Variants in ATP13A5 observed in about 807,000 individuals in gnomAD.
ATP13A5 encodes the protein ATPase 13A5, also known as probable cation-transporting ATPase 13A5.
Under a neutral mutation model 150.2 loss-of-function variants are expected in ATP13A5, and 149 were observed. The observed-to-expected ratio is 0.99, with a 90% CI of 0.87 to 1.14. The LOEUF is 1.14. Ranked by LOEUF, ATP13A5 falls within the 50% of genes most tolerant of loss-of-function variation. The pLI is 0.00. For missense variants in ATP13A5, 1,383 were observed against 1,449.3 expected (o/e 0.95, Z 0.74); for synonymous variants, 497 against 522.2 (o/e 0.95, Z 0.66).
At chr3:193,326,279 C>A (rs1022668148) in intron 13 of ATP13A5, among the ~76,000 whole-genome samples, 2 of 152,092 alleles carry the variant, frequency 1.3e-5, no homozygotes, top group African/African-American at 4.8e-5. Flanking sequence ...CAGGGAGATA[C>A]CATGAGGAGA....
chr3:193,376,166 C>G (rs976891685), intron 1 of ATP13A5, among the ~76,000 whole-genome samples: 1 of 152,200 alleles, frequency 6.6e-6, no homozygotes, highest in African/African-American at 2.4e-5. Context: ...CAGGCTACAT[C>G]ACATAAAAAG....
In ATP13A5 at chr3:193,276,787, A is replaced by G. The variant is rs1022953834; in HGVS notation, c.3359T>C (p.Val1120Ala). The change falls in exon 29 of 30, where the codon GTA becomes GCA. Residue 1120 changes from valine to alanine, a missense_variant. Coordinates refer to ENST00000342358, the MANE Select transcript of ATP13A5 (RefSeq NM_198505.4). ...AGCCACACAGAATTGGGTGAGGGCT[A>G]CCACCAAAATTAAAACCCTCCACGA... ...ITSWRVLILV[V>A]ALTQFCVAFF... The G allele has an allele frequency of 6.2e-7, 1 of 1,613,624 alleles. No individual in the cohort carries two copies. Among genetic ancestry groups the G allele is most frequent in the Non-Finnish European group, 8.5e-7 (1 of 1,179,658 alleles).
At chr3:193,302,781 A>G (rs1467727125) in intron 23 of ATP13A5, among the ~76,000 whole-genome samples, 1 of 152,228 alleles carries the variant, frequency 6.6e-6, no homozygotes, top group Non-Finnish European at 1.5e-5. Flanking sequence ...CTAAAACTGT[A>G]TCTCATTGCC....
chr3:193,347,524 C>CTTTTTTTTTTT (rs1553820269), intron 7 of ATP13A5, among the ~76,000 whole-genome samples: 9 of 145,442 alleles, frequency 6.2e-5, no homozygotes, highest in African/African-American at 2.4e-4. Flanking sequence ...CCTTAGATTT[C>CTTTTTTTTTTT]TTTTTTTTTT....
chr3:193,332,149 ATGT>A (rs1711652890), intron 11 of ATP13A5, among the ~76,000 whole-genome samples: 1 of 152,118 alleles, frequency 6.6e-6, no homozygotes, highest in Non-Finnish European at 1.5e-5. Flanking sequence ...TTCCCCCATA[ATGT>A]TGTCATGATT....
intron 1 of ATP13A5, among the ~76,000 whole-genome samples, chr3:193,366,844 G>A (rs951320071): frequency 1.3e-5 from 2 of 151,874 alleles, no homozygotes; most frequent in Non-Finnish European, 1.5e-5. Flanking sequence ...CACATTCTGA[G>A]ACATAAAGTA....
At chr3:193,289,644 A>G (rs1460015093) in intron 26 of ATP13A5, among the ~76,000 whole-genome samples, 1 of 152,078 alleles carries the variant, frequency 6.6e-6, no homozygotes, top group Admixed American at 6.6e-5. Flanking sequence ...CAGGGAATAT[A>G]TTCATTCAGC....
At chr3:193,325,757 T>G (rs1719445520) in intron 13 of ATP13A5, among the ~76,000 whole-genome samples, 1 of 152,228 alleles carries the variant, frequency 6.6e-6, no homozygotes, top group Non-Finnish European at 1.5e-5. Context: ...AGCCTGTTTT[T>G]CTCTTTGATA....
intron 5 of ATP13A5, among the ~76,000 whole-genome samples, chr3:193,358,941 A>G (rs1712895941): frequency 6.6e-6 from 1 of 152,160 alleles, no homozygotes; most frequent in African/African-American, 2.4e-5. Context: ...ATAAGGCAGT[A>G]GAGTTAAGTG....
intron 25 of ATP13A5, among the ~76,000 whole-genome samples, chr3:193,294,115 G>A (rs374074560): frequency 1.3e-3 from 193 of 152,262 alleles, no homozygotes; most frequent in African/African-American, 4.5e-3. Context: ...CAAAGCCCCA[G>A]TCCTAGTGTC....
chr3:193,291,861 T>G (rs1047589903), intron 25 of ATP13A5, among the ~76,000 whole-genome samples: 3 of 152,098 alleles, frequency 2.0e-5, no homozygotes, highest in Non-Finnish European at 2.9e-5. Flanking sequence ...ACCCTAGGTG[T>G]CTCTTCCTTT....
chr3:193,305,048 T>C (rs1032193464), intron 23 of ATP13A5, among the ~76,000 whole-genome samples: 2 of 152,178 alleles, frequency 1.3e-5, no homozygotes, highest in African/African-American at 4.8e-5. Flanking sequence ...CAACTCCAGA[T>C]GAGATTTGGG....
At chr3:193,319,563 C>A (rs1306789042) in intron 16 of ATP13A5, among the ~76,000 whole-genome samples, 1 of 152,218 alleles carries the variant, frequency 6.6e-6, no homozygotes, top group African/African-American at 2.4e-5. Context: ...TGGGCAACAC[C>A]TCTATCCTGG....
intron 27 of ATP13A5, among the ~76,000 whole-genome samples, chr3:193,283,610 T>C (rs895373419): frequency 3.9e-5 from 6 of 152,124 alleles, no homozygotes; most frequent in African/African-American, 1.4e-4. Flanking sequence ...TTGGATATAA[T>C]ATTAAGAAGC....
At chr3:193,355,827 C>A (rs374185821) in intron 5 of ATP13A5, among the ~76,000 whole-genome samples, 7 of 152,326 alleles carry the variant, frequency 4.6e-5, no homozygotes, top group African/African-American at 1.7e-4. Context: ...GGACCCCAAA[C>A]TCGGTCCTCC....
intron 1 of ATP13A5, among the ~76,000 whole-genome samples, chr3:193,368,881 A>G (rs946510563): frequency 2.0e-5 from 3 of 152,222 alleles, no homozygotes; most frequent in Non-Finnish European, 4.4e-5. Flanking sequence ...ATGAACCTCA[A>G]GTAGGCAAAT....
chr3:193,348,701 C>A (rs1712447586), intron 7 of ATP13A5, among the ~76,000 whole-genome samples: 1 of 152,154 alleles, frequency 6.6e-6, no homozygotes, highest in South Asian at 2.1e-4. Flanking sequence ...TGTTTGTTTA[C>A]CTAAGTCTTT....
intron 25 of ATP13A5, among the ~76,000 whole-genome samples, chr3:193,291,967 C>G (rs1435221748): frequency 6.6e-6 from 1 of 151,984 alleles, no homozygotes; most frequent in East Asian, 1.9e-4. Flanking sequence ...ATTGTTGAAC[C>G]CAAGGGAGTA....
chr3:193,309,995 A>ATT (rs1016888787), intron 21 of ATP13A5, among the ~76,000 whole-genome samples: 1 of 152,000 alleles, frequency 6.6e-6, no homozygotes, highest in African/African-American at 2.4e-5. Context: ...CCCAGTAGTT[A>ATT]TTTTTTCTGC....
Sources: gnomAD v4.1 joint callset for allele counts (sites outside exome capture counted in the v4.1 genomes callset) on GRCh38, gnomAD v4.1.1 for gene constraint, MANE v1.5 for transcripts, NCBI Gene and HGNC (gene_info 2026-07-23, HGNC 2026-07-21) for gene names.